Variants in L1CAM observed in about 807,000 individuals in gnomAD.
L1CAM encodes L1 cell adhesion molecule.
L1CAM carries 8 observed loss-of-function variants against 93.0 expected under a neutral mutation model. That is an observed-to-expected ratio of 0.09 (90% CI 0.05 to 0.16). The LOEUF (loss-of-function observed/expected upper bound fraction) is 0.16. Among genes scored for constraint, L1CAM ranks in the 10% least tolerant of loss-of-function variants. The pLI, the probability that L1CAM is intolerant of heterozygous loss-of-function variation, is 1.00. For missense variants in L1CAM, 777 were observed against 1,073.4 expected, an observed-to-expected ratio of 0.72 and a Z score of 3.86; for synonymous variants, 453 against 453.0, an observed-to-expected ratio of 1.00 and a Z score of 0.00.
In L1CAM at chrX:153,863,941, C is replaced by T. The variant is rs1557089819; in HGVS notation, c.3399G>A (p.Leu1133=). The T allele has an allele frequency of 2.5e-6, 3 of 1,212,228 alleles. No individual in the cohort carries two copies. The highest frequency in any genetic ancestry group is 3.4e-6 in the Non-Finnish European group (3 of 895,503). The change falls in exon 26 of 29, where the codon CTG becomes CTA. Residue 1133 remains leucine, a synonymous_variant. Transcript: ENST00000370060. ...FIGFVSAIIL[L]LLVLLILCFI... The stretch of plus-strand genomic sequence containing the variant: ...AGCAGAGGATGAGCAGGACGAGGAG[C>T]AGGAGGATGATGGCACTCACAAAGC...
rs974265758 is a variant in L1CAM at position 153,862,227 on chromosome X, G to T, written c.*436C>A. ...AAAGACAGCAGATGGTGGGGACACC[G>T]AGTTCTGTTCCCAGTCCCAGCCAGG... On this transcript the variant is annotated 3_prime_UTR_variant, in exon 29 of 29. Coordinates refer to ENST00000370060, the MANE Select transcript of L1CAM (RefSeq NM_001278116.2). 1 of 141,235 alleles carries T rather than the reference G, an allele frequency of 7.1e-6. No homozygotes were observed. Among genetic ancestry groups the T allele is most frequent in the Non-Finnish European group, 1.4e-5 (1 of 72,183 alleles). The allele number at this position is 141,235 out of a possible 1,213,427, so 11.6% of individuals were successfully genotyped here. A position where few individuals can be genotyped will look rare whatever the true frequency, so the allele number is the denominator to read the frequency against.
Position 153,886,104 on chromosome X carries a change from C to A in L1CAM, c.-148G>T. On this transcript the variant is annotated 5_prime_UTR_variant, in exon 1 of 29. Transcript: ENST00000370060. ...CCGCTCGGGCTGCCCGCCCAGCCTC[C>A]GCGCACGCCGGCCTCGGACCCGCCG... is the stretch of plus-strand genomic sequence containing the variant. 6.0e-6 allele frequency: 1 copy of A among 167,382 alleles called. No individual in the cohort carries two copies. The highest frequency in any genetic ancestry group is 9.6e-6 in the Non-Finnish European group (1 of 103,783). 13.8% of individuals were successfully genotyped at this position (167,382 alleles called of 1,213,427 possible). A position where few individuals can be genotyped will look rare whatever the true frequency, so the allele number is the denominator to read the frequency against.
rs1412023683 is a variant in L1CAM at position 153,864,318 on chromosome X, T to C, written c.3322+4A>G. ...CAGGTGATGGCGGGCCCCCGGCGCC[T>C]CACCTGTGCCATTGGTCTTCACAGC... On this transcript the variant is annotated splice_donor_region_variant and intron_variant, in intron 25 of 28. Coordinates refer to ENST00000370060, the MANE Select transcript of L1CAM (RefSeq NM_001278116.2). 3.3e-6 allele frequency: 4 copies of C among 1,209,242 alleles called. No homozygotes were observed. The African/African-American group carries it at 5.2e-5, about 16-fold the overall frequency.
At position 153,872,304 on chromosome X, in the gene L1CAM, C is replaced by G; in HGVS notation, c.248G>C (p.Gly83Ala). 1 of 1,207,977 alleles carries G rather than the reference C, an allele frequency of 8.3e-7. No individual in the cohort carries two copies. Among genetic ancestry groups the G allele is most frequent in the Non-Finnish European group, 1.1e-6 (1 of 894,501 alleles). Residue 83 changes from glycine to alanine, a missense_variant, in exon 5 of 29, where the codon GGT (glycine) becomes GCT (alanine). Physicochemically the swap from Gly to Ala is moderately conservative, Grantham distance 60. Coordinates refer to ENST00000370060, the MANE Select transcript of L1CAM (RefSeq NM_001278116.2). ...GTGGGGCGACTGGTACACGGTCACA[C>G]CCAGCTCTTCCTTGGGTTTGAAGTG... ...GVHFKPKEEL[G>A]VTVYQSPHSG...
chrX:153,872,803 GC>G, intron 3 of L1CAM, 106 bp from the exon 4 acceptor site: 3 of 650,992 alleles, frequency 4.6e-6, no homozygotes, highest in Non-Finnish European at 7.7e-6. Context: ...GCCCCTGGAG[GC>G]CCCATGGCCA....
At chrX:153,872,059 CGCCACG>C (rs1179592504) in intron 5 of L1CAM, 87 bp downstream of exon 5, 10 of 772,231 alleles carry the variant, frequency 1.3e-5, no homozygotes, top group Non-Finnish European at 1.9e-5. Flanking sequence ...CCAGGCCCCT[CGCCACG>C]AGACAACTGG....
At chrX:153,881,623 T>C (rs1335382738) in intron 1 of L1CAM, among the ~76,000 whole-genome samples, 1 of 111,522 alleles carries the variant, frequency 9.0e-6, no homozygotes, top group Non-Finnish European at 1.9e-5. Context: ...GCCAACTCCT[T>C]TCCCTTTTGG....
intron 5 of L1CAM, among the ~76,000 whole-genome samples, chrX:153,871,946 C>T (rs1483261849): frequency 1.9e-5 from 2 of 104,885 alleles, no homozygotes; most frequent in African/African-American, 3.5e-5. Flanking sequence ...ATGAGATGAC[C>T]GGAAGTGCAA....
rs201474883 is a variant in L1CAM, at chrX:153,870,866, G to T, written c.618C>A (p.Asp206Glu). ...ANVLTSDNHS[D>E]YICHAHFPGT... Reference sequence around the variant, plus strand: ...CTGGGAAGTGGGCGTGGCAGATGTAGTCTGAGTGGTTGTCGGAGGTGAGCA... The same window carrying T: ...CTGGGAAGTGGGCGTGGCAGATGTATTCTGAGTGGTTGTCGGAGGTGAGCA... Residue 206 changes from aspartate (D) to glutamate (E), a missense_variant, in exon 7 of 29, where the codon GAC becomes GAA. By Grantham distance (45) the Asp-to-Glu change is conservative (BLOSUM62 2). This residue lies in a region of L1CAM where 574 missense variants were observed against 781.0 expected (regional missense o/e 0.73). Coordinates refer to ENST00000370060, the MANE Select transcript of L1CAM (RefSeq NM_001278116.2). 299 of 1,209,123 alleles carry T rather than the reference G, an allele frequency of 2.5e-4. 1 individual carries two copies. The highest frequency in any genetic ancestry group is 3.3e-4 in the Non-Finnish European group (291 of 894,616).
intron 1 of L1CAM, among the ~76,000 whole-genome samples, chrX:153,881,850 G>T (rs782242711): frequency 1.8e-5 from 2 of 111,297 alleles, no homozygotes; most frequent in East Asian, 5.7e-4. Flanking sequence ...CCTAGAAGGC[G>T]AGAGAAATGA....
At chrX:153,867,759 C>G in intron 16 of L1CAM, 41 bp downstream of exon 16, 8 of 1,142,506 alleles carry the variant, frequency 7.0e-6, no homozygotes, top group Non-Finnish European at 9.6e-6. Context: ...CCAGGGCTGG[C>G]AGAAGTGACG....
At position 153,875,559 on chromosome X, in the gene L1CAM, C is replaced by T. The variant is rs2064806542; in HGVS notation, c.76+202G>A. 4.7e-5 allele frequency: 24 copies of T among 512,429 alleles called. No homozygotes were observed. The South Asian group carries it at 5.5e-4, about 12-fold the overall frequency. The allele number at this position is 512,429 out of a possible 1,213,427, so 42.2% of individuals were successfully genotyped here. ...GGCCGCGCCTGTCCCTGTCCATGGT[C>T]CTGACACGCCCCGCACCTTCTACCC... On this transcript the variant is annotated intron_variant, in intron 2 of 28. Transcript: ENST00000370060.
At position 153,867,919 on chromosome X, in the gene L1CAM, G is replaced by A; in HGVS notation, c.1829-9C>T. 8.3e-7 allele frequency: 1 copy of A among 1,209,232 alleles called. No homozygotes were observed. Among genetic ancestry groups the A allele is most frequent in the Non-Finnish European group, 1.1e-6 (1 of 893,874 alleles). ...CACCGGCCCAGGGCTCCCTGAGGGT[G>A]GGGAGGGTCGGTGCTTGAAAGGGCC... On this transcript the variant is annotated splice_polypyrimidine_tract_variant and intron_variant, in intron 15 of 28. Coordinates refer to ENST00000370060, the MANE Select transcript of L1CAM (RefSeq NM_001278116.2).
intron 2 of L1CAM, among the ~76,000 whole-genome samples, chrX:153,875,451 G>A (rs1031419510): frequency 1.2e-4 from 13 of 112,017 alleles, no homozygotes; most frequent in Admixed American, 1.9e-4. Context: ...GAGATGGGGC[G>A]GGCTAAGGAG....
chrX:153,872,896 CAA>C (rs1233934809), intron 3 of L1CAM, 199 bp from the exon 4 acceptor site: 4 of 459,603 alleles, frequency 8.7e-6, no homozygotes, highest in South Asian at 3.2e-5. Flanking sequence ...ACGTAAGTTA[CAA>C]AGAGATGCCT....
At chrX:153,871,208 C>T in intron 5 of L1CAM, 29 bp from the exon 6 acceptor site, 1 of 1,202,621 alleles carries the variant, frequency 8.3e-7, no homozygotes, top group Non-Finnish European at 1.1e-6. Context: ...CTGACACTCT[C>T]CTCCTGGTCC....
chrX:153,867,316 C>T (rs1694851179), intron 17 of L1CAM, 40 bp downstream of exon 17: 1 of 1,132,073 alleles, frequency 8.8e-7, no homozygotes, highest in Non-Finnish European at 1.2e-6. Context: ...GCCCGGAGCC[C>T]CTTCCAGGTG....
chrX:153,873,465 A>T (rs1346900876), intron 2 of L1CAM, among the ~76,000 whole-genome samples: 5 of 112,155 alleles, frequency 4.5e-5, no homozygotes, highest in African/African-American at 1.3e-4. Flanking sequence ...ATGCCCAGGG[A>T]GAGGAGCTCC....
intron 7 of L1CAM, 131 bp downstream of exon 7, chrX:153,870,659 T>C (rs1557092821): frequency 1.2e-6 from 1 of 822,758 alleles, no homozygotes; most frequent in African/African-American, 2.0e-5. Flanking sequence ...GGAAGGGGTC[T>C]GGGCAGGGTA....
Sources: allele counts gnomAD v4.1 joint callset (sites outside exome capture counted in the v4.1 genomes callset), GRCh38; gene constraint gnomAD v4.1.1; regional missense constraint gnomAD v4.1.1; transcripts MANE v1.5; gene names NCBI Gene and HGNC (gene_info 2026-07-23, HGNC 2026-07-21).